Variants in GRM6 observed in about 807,000 individuals in gnomAD.
GRM6 encodes metabotropic glutamate receptor 6.
GRM6 carries 73 observed loss-of-function variants against 78.4 expected under a neutral mutation model. The ratio of observed to expected loss-of-function variants is 0.93; its 90% CI spans 0.77 to 1.13. GRM6 has a LOEUF of 1.13. Ranked by LOEUF, GRM6 falls within the 50% of genes most tolerant of loss-of-function variation. The pLI, the probability that GRM6 is intolerant of heterozygous loss-of-function variation, is 0.00. For synonymous variants in GRM6, 580 were observed against 555.0 expected (o/e 1.05, Z -0.63); for missense variants, 1,251 against 1,256.4 (o/e 1.00, Z 0.07).
At chr5:178,995,061 C>G in intron 1 of GRM6, 101 bp from the exon 2 acceptor site, 2 of 603,068 alleles carry the variant, frequency 3.3e-6, no homozygotes. Flanking sequence ...GGAGAAGGCG[C>G]TCGGGGCGCG....
chr5:178,985,679 G>T (rs561128498), intron 9 of GRM6: 7 of 401,362 alleles, frequency 1.7e-5, no homozygotes, highest in East Asian at 1.5e-4. Context: ...CTCCAGCCTG[G>T]GCGACACAGC....
chr5:178,985,914 A>C, intron 9 of GRM6: 1 of 588,838 alleles, frequency 1.7e-6, no homozygotes, highest in Non-Finnish European at 3.0e-6. Context: ...GGCACGCACC[A>C]CCATGCCTGG....
chr5:178,985,404 T>TAAAA (rs10716144), intron 9 of GRM6: 22 of 317,038 alleles, frequency 6.9e-5, no homozygotes, highest in African/African-American at 2.4e-4. Context: ...CCTGTGGCCT[T>TAAAA]AAAAAAAAAA....
chr5:178,986,407 ACGATGGGCGTGT>A lies in GRM6; in HGVS notation c.1835_1846del (p.Asn612_Val616delinsIle). ...GCTGAGCTCTCGGCCCGAGGCCCGG[ACGATGGGCGTGT>A]TGTTGTACCGCACGAAGGTGGCCAC... is the stretch of plus-strand genomic sequence containing the variant. On this transcript the variant is annotated inframe_deletion, in exon 9 of 11. Transcript: ENST00000517717. 1 of 1,613,782 alleles carries A rather than the reference ACGATGGGCGTGT, an allele frequency of 6.2e-7. No individual in the cohort carries two copies. Among genetic ancestry groups the A allele is most frequent in the Non-Finnish European group, 8.5e-7 (1 of 1,179,990 alleles).
At chr5:178,982,291 A>G (rs1416835913) in intron 10 of GRM6, among the ~76,000 whole-genome samples, 1 of 152,208 alleles carries the variant, frequency 6.6e-6, no homozygotes, top group Non-Finnish European at 1.5e-5. Context: ...TATAAAGCAC[A>G]TGAAGCCTGG....
At position 178,991,762 on chromosome 5, in the gene GRM6, G is replaced by C; in HGVS notation, c.721+105C>G. On this transcript the variant is annotated intron_variant, in intron 3 of 10. Coordinates refer to ENST00000517717, the MANE Select transcript of GRM6 (RefSeq NM_000843.4). The surrounding 1 kb of genome is among the most constrained non-coding windows in gnomAD (Gnocchi z 5.0). ...CATGGAGCACCAGCCAGGCAACCTC[G>C]GCCCAGCATGGACCTGGGCCCCCCA... 1 of 1,171,270 alleles carries C rather than the reference G, an allele frequency of 8.5e-7. No individual in the cohort carries two copies. The highest frequency in any genetic ancestry group is 1.5e-5 in the African/African-American group (1 of 66,174). The allele number at this position is 1,171,270 out of a possible 1,614,324, so 72.6% of individuals were successfully genotyped here. A position where few individuals can be genotyped will look rare whatever the true frequency, so the allele number is the denominator to read the frequency against.
Position 178,991,553 on chromosome 5 carries a change from A to AC in GRM6, c.727dup (p.Val243GlyfsTer40), listed in dbSNP as rs281865186. On this transcript the variant is annotated frameshift_variant, in exon 4 of 11. Coordinates refer to ENST00000517717, the MANE Select transcript of GRM6 (RefSeq NM_000843.4). LOFTEE classifies it high-confidence loss of function. This position sits in a 1 kb window ranked among gnomAD's most constrained non-coding sequence, Gnocchi z 5.0. ...AATCTTGATAGACTGGGCAATACAG[A>AC]CCCCCCCTGGGCGTTGGGGGTGCCA... 181 of 1,611,292 alleles carry AC rather than the reference A, an allele frequency of 1.1e-4. No homozygotes were observed. Among genetic ancestry groups the AC allele is most frequent in the Middle Eastern group, 3.3e-4 (2 of 6,080 alleles).
Position 178,994,855 on chromosome 5 carries a change from C to G in GRM6, c.90G>C (p.Ala30=). The change falls in exon 2 of 11, where the codon GCG becomes GCC. Residue 30 remains alanine, a synonymous_variant. Transcript: ENST00000517717. ...WLAQAGLARA[A]GSVRLAGGLT... is the part of the protein sequence containing the mutation. ...GGCCGCCCGCCAGGCGCACAGAGCC[C>G]GCCGCGCGCGCCAGGCCCGCCTGCG... 1 of 1,209,114 alleles carries G rather than the reference C, an allele frequency of 8.3e-7. No individual in the cohort carries two copies. Among genetic ancestry groups the G allele is most frequent in the East Asian group, 3.9e-5 (1 of 25,558 alleles). 74.9% of individuals were successfully genotyped at this position (1,209,114 alleles called of 1,614,324 possible).
chr5:178,993,397 G>T (rs989346659), intron 2 of GRM6, among the ~76,000 whole-genome samples: 1 of 152,176 alleles, frequency 6.6e-6, no homozygotes, highest in Non-Finnish European at 1.5e-5. Flanking sequence ...CCCCTGGGCG[G>T]CCGCACAGCC....
At position 178,986,368 on chromosome 5, in the gene GRM6, G is replaced by C. The variant is rs756761579; in HGVS notation, c.1886C>G (p.Thr629Ser). The C allele has an allele frequency of 6.2e-7, 1 of 1,613,980 alleles. No homozygotes were observed. Among genetic ancestry groups the C allele is most frequent in the African/African-American group, 1.3e-5 (1 of 74,962 alleles). Reference protein sequence around the residue: ...SGRELSYVLLTGIFLIYAITF... With the variant: ...SGRELSYVLLSGIFLIYAITF... ...GATGGCGTAGATGAGGAAGATGCCG[G>C]TGAGGAGGACGTAGCTGAGCTCTCG... The change falls in exon 9 of 11, where the codon ACC (threonine) becomes AGC (serine). Residue 629 changes from threonine (T) to serine (S), a missense_variant. Physicochemically the swap from Thr to Ser is moderately conservative, Grantham distance 58. Transcript: ENST00000517717.
At chr5:178,987,922 GC>G (rs1760600747) in intron 7 of GRM6, among the ~76,000 whole-genome samples, 1 of 141,886 alleles carries the variant, frequency 7.0e-6, no homozygotes, top group African/African-American at 2.6e-5. Context: ...GCCATGCCCA[GC>G]TAATTTTTGT....
chr5:178,986,037 C>G (rs945538152), intron 9 of GRM6, 93 bp downstream of exon 9: 1 of 1,194,156 alleles, frequency 8.4e-7, no homozygotes. Context: ...GCTGGGACTA[C>G]AGGCGTGTGC....
At chr5:178,989,846 A>G in intron 5 of GRM6, 1 of 298,378 alleles carries the variant, frequency 3.4e-6, no homozygotes, top group Non-Finnish European at 6.5e-6. Flanking sequence ...GGAATGGTGG[A>G]ACAAAGGAAT....
In GRM6 at chr5:178,991,609, C is replaced by A. The variant is rs115104950; in HGVS notation, c.722-50G>T. On this transcript the variant is annotated intron_variant, in intron 3 of 10. Coordinates refer to ENST00000517717, the MANE Select transcript of GRM6 (RefSeq NM_000843.4). The surrounding 1 kb of genome is among the most constrained non-coding windows in gnomAD (Gnocchi z 5.0). ...AGCTTCCGTCCCACCCACCCACACA[C>A]CCACCTGGCCACCGCTGCAGAGGAC... 6.4e-4 allele frequency: 1,017 copies of A among 1,584,060 alleles called. 2 individuals carry two copies. The highest frequency in any genetic ancestry group is 8.2e-4 in the Non-Finnish European group (947 of 1,155,998).
At position 178,994,347 on chromosome 5, in the gene GRM6, C is replaced by A. The variant is rs1561721837; in HGVS notation, c.504+94G>T. The A allele has an allele frequency of 3.6e-6, 4 of 1,125,012 alleles. No homozygotes were observed. In the East Asian group the frequency reaches 9.8e-5, roughly 27 times the overall value. 69.7% of individuals were successfully genotyped at this position (1,125,012 alleles called of 1,614,324 possible). On this transcript the variant is annotated intron_variant, in intron 2 of 10. Transcript: ENST00000517717. ...AATTCGAGTGATTAAAACGGAGACT[C>A]TTTCAGAAGAAGTAAAGGAAGGAGA...
At chr5:178,993,379 G>C (rs139225920) in intron 2 of GRM6, among the ~76,000 whole-genome samples, 29 of 152,260 alleles carry the variant, frequency 1.9e-4, no homozygotes, top group East Asian at 1.7e-3. Context: ...ATACAGGTGG[G>C]TGAAAAACCC....
chr5:178,994,754 TG>T lies in GRM6; in HGVS notation c.190del (p.Gln64ArgfsTer47). ...CATGGCCTCCAGCCGGTGCACGCCC[TG>T]CTCCTTCTTCAGCTGCCCGCACGCC... ...GRACGQLKKE[Q>X]GVHRLEAMLY... On this transcript the variant is annotated frameshift_variant, in exon 2 of 11. Coordinates refer to ENST00000517717, the MANE Select transcript of GRM6 (RefSeq NM_000843.4). LOFTEE classifies it high-confidence loss of function. 7.1e-7 allele frequency: 1 copy of T among 1,415,382 alleles called. No homozygotes were observed. Among genetic ancestry groups the T allele is most frequent in the East Asian group, 3.2e-5 (1 of 31,344 alleles). The allele number at this position is 1,415,382 out of a possible 1,614,324, so 87.7% of individuals were successfully genotyped here.
In GRM6 at chr5:178,994,704, C is replaced by A; in HGVS notation, c.241G>T (p.Ala81Ser). ...ACGCCGGGCAGCAGCTCGGGGTCGGCGTTGACGCGGTCCAGCGCGTACAGC... is the reference window on the plus strand; with the variant it reads ...ACGCCGGGCAGCAGCTCGGGGTCGGAGTTGACGCGGTCCAGCGCGTACAGC... ...AMLYALDRVN[A>S]DPELLPGVRL... Residue 81 changes from alanine (A) to serine (S), a missense_variant, in exon 2 of 11, where the codon GCC becomes TCC. Coordinates refer to ENST00000517717, the MANE Select transcript of GRM6 (RefSeq NM_000843.4). 6.8e-7 allele frequency: 1 copy of A among 1,469,140 alleles called. No individual in the cohort carries two copies. Among genetic ancestry groups the A allele is most frequent in the Admixed American group, 2.2e-5 (1 of 44,740 alleles). The allele number at this position is 1,469,140 out of a possible 1,614,324, so 91.0% of individuals were successfully genotyped here.
chr5:178,984,641 G>A lies in GRM6; in HGVS notation c.2125-1420C>T, dbSNP rs1760472675. Reference sequence around the variant, plus strand: ...GAGCAGGAGCACCTCAGGCCGGGACGTAGAGGGCACCTTCTCAGGATGTGC... The same window carrying A: ...GAGCAGGAGCACCTCAGGCCGGGACATAGAGGGCACCTTCTCAGGATGTGC... On this transcript the variant is annotated intron_variant, in intron 9 of 10. Transcript: ENST00000517717. 2.0e-5 allele frequency among the ~76,000 whole-genome samples: 3 copies of A among 152,138 alleles called. 1 individual carries two copies. In the South Asian group the frequency reaches 6.2e-4, roughly 32 times the overall value.
Sources: gnomAD v4.1 joint callset for allele counts (sites outside exome capture counted in the v4.1 genomes callset) on GRCh38, gnomAD v4.1.1 for gene constraint, Gnocchi (gnomAD v3.1) non-coding constraint, MANE v1.5 for transcripts, NCBI Gene and HGNC (gene_info 2026-07-23, HGNC 2026-07-21) for gene names.